GALNTL6: variants seen among roughly 807,000 people sequenced by gnomAD.
GALNTL6 encodes the protein polypeptide N-acetylgalactosaminyltransferase-like 6.
Under a neutral mutation model 73.7 loss-of-function variants are expected in GALNTL6, and 46 were observed. The ratio of observed to expected loss-of-function variants is 0.62; its 90% CI spans 0.49 to 0.80. The LOEUF is 0.80. Ranked by LOEUF, GALNTL6 falls within the 30% of genes least tolerant of loss-of-function variation. GALNTL6 has a pLI of 0.00. For missense variants in GALNTL6, 604 were observed against 755.0 expected, an observed-to-expected ratio of 0.80 and a Z score of 2.34; for synonymous variants, 259 against 263.7, an observed-to-expected ratio of 0.98 and a Z score of 0.17.
At chr4:171,825,542 AT>A (rs11412639) in intron 2 of GALNTL6, among the ~76,000 whole-genome samples, 2 of 152,110 alleles carry the variant, frequency 1.3e-5, no homozygotes, top group Admixed American at 1.3e-4. Flanking sequence ...AGGAAATTAC[AT>A]TTTTTTGGAA....
chr4:172,480,094 G>A (rs1733388205), intron 5 of GALNTL6, among the ~76,000 whole-genome samples: 1 of 152,070 alleles, frequency 6.6e-6, no homozygotes, highest in African/African-American at 2.4e-5. Context: ...AAAGACCGAG[G>A]CAGGAAAATT....
intron 5 of GALNTL6, among the ~76,000 whole-genome samples, chr4:172,396,062 C>T (rs1374996325): frequency 6.6e-6 from 1 of 152,022 alleles, no homozygotes; most frequent in Non-Finnish European, 1.5e-5. Context: ...TCCAGCATAC[C>T]CACATTTTGT....
intron 3 of GALNTL6, among the ~76,000 whole-genome samples, chr4:172,231,073 ACTT>A (rs1382172215): frequency 6.6e-6 from 1 of 152,026 alleles, no homozygotes; most frequent in Non-Finnish European, 1.5e-5. Context: ...CAGAGCGTCA[ACTT>A]CTTCTAGGTT....
At chr4:172,655,051 A>T (rs1160178676) in intron 5 of GALNTL6, among the ~76,000 whole-genome samples, 1 of 152,214 alleles carries the variant, frequency 6.6e-6, no homozygotes, top group Non-Finnish European at 1.5e-5. Context: ...GCACAGGTTC[A>T]TAATGCTATG....
intron 2 of GALNTL6, among the ~76,000 whole-genome samples, chr4:171,881,685 T>C (rs747593581): frequency 4.6e-5 from 7 of 152,206 alleles, no homozygotes; most frequent in Non-Finnish European, 7.3e-5. Context: ...GGGAATACTT[T>C]TTCTCTATGG....
At chr4:172,901,203 G>A (rs879688730) in intron 8 of GALNTL6, among the ~76,000 whole-genome samples, 2 of 152,036 alleles carry the variant, frequency 1.3e-5, no homozygotes, top group Non-Finnish European at 2.9e-5. Flanking sequence ...TCTCACTATC[G>A]TTTGCTGACC....
At chr4:172,915,112 A>G (rs1355208490) in intron 8 of GALNTL6, among the ~76,000 whole-genome samples, 1 of 152,216 alleles carries the variant, frequency 6.6e-6, no homozygotes, top group Non-Finnish European at 1.5e-5. Flanking sequence ...AAACCTCACA[A>G]CTACATGGAA....
intron 2 of GALNTL6, among the ~76,000 whole-genome samples, chr4:171,973,146 G>C (rs899703947): frequency 2.0e-5 from 3 of 152,110 alleles, no homozygotes; most frequent in Non-Finnish European, 4.4e-5. Flanking sequence ...AAGGGAAGTT[G>C]TATGTGGGAG....
chr4:172,439,172 T>TCACACACACACA (rs57281407), intron 5 of GALNTL6, among the ~76,000 whole-genome samples: 11 of 145,730 alleles, frequency 7.5e-5, no homozygotes, highest in African/African-American at 2.5e-4. Context: ...TCTCTCCCCT[T>TCACACACACACA]CACACACACA....
At chr4:172,998,241 T>A (rs2126470824) in intron 10 of GALNTL6, among the ~76,000 whole-genome samples, 1 of 152,314 alleles carries the variant, frequency 6.6e-6, no homozygotes, top group South Asian at 2.1e-4. Context: ...GTGGAATGGA[T>A]CTGTTTAAGC....
At chr4:171,933,880 T>C (rs1483349046) in intron 2 of GALNTL6, among the ~76,000 whole-genome samples, 1 of 152,142 alleles carries the variant, frequency 6.6e-6, no homozygotes, top group Non-Finnish European at 1.5e-5. Flanking sequence ...TCAGTTAATA[T>C]TCTTTTAGTC....
intron 5 of GALNTL6, among the ~76,000 whole-genome samples, chr4:172,633,782 G>A (rs562908714): frequency 2.6e-5 from 4 of 152,252 alleles, no homozygotes; most frequent in South Asian, 2.1e-4. Flanking sequence ...GGACAGGGCC[G>A]GGTGGAGATG....
At chr4:172,129,230 C>G (rs188684313) in intron 2 of GALNTL6, among the ~76,000 whole-genome samples, 49 of 152,160 alleles carry the variant, frequency 3.2e-4, no homozygotes, top group African/African-American at 1.1e-3. Flanking sequence ...CAAATAAAAA[C>G]GTCAACAGAT....
At chr4:172,754,187 A>G (rs994974264) in intron 5 of GALNTL6, among the ~76,000 whole-genome samples, 12 of 152,232 alleles carry the variant, frequency 7.9e-5, no homozygotes, top group Non-Finnish European at 1.5e-5. Flanking sequence ...ACTGACAGTC[A>G]TTATCAATAA....
At chr4:172,612,387 G>A (rs1738559124) in intron 5 of GALNTL6, among the ~76,000 whole-genome samples, 1 of 152,058 alleles carries the variant, frequency 6.6e-6, no homozygotes, top group Admixed American at 6.6e-5. Context: ...AAGAAATACA[G>A]GTATAGTCTT....
chr4:172,830,626 C>T (rs1475498343), intron 7 of GALNTL6, among the ~76,000 whole-genome samples: 1 of 152,168 alleles, frequency 6.6e-6, no homozygotes, highest in African/African-American at 2.4e-5. Flanking sequence ...ATGAAATAAA[C>T]CCTAACTGTA....
At chr4:172,648,934 A>C (rs1232463726) in intron 5 of GALNTL6, among the ~76,000 whole-genome samples, 3 of 152,110 alleles carry the variant, frequency 2.0e-5, no homozygotes, top group Non-Finnish European at 4.4e-5. Context: ...CCTCTGAAAA[A>C]TCAGATTTGC....
intron 10 of GALNTL6, among the ~76,000 whole-genome samples, chr4:172,981,042 A>C (rs565300643): frequency 6.6e-6 from 1 of 152,304 alleles, no homozygotes; most frequent in African/African-American, 2.4e-5. Context: ...TTTCTTTTTA[A>C]GGCTGAATAA....
intron 5 of GALNTL6, among the ~76,000 whole-genome samples, chr4:172,430,961 C>G (rs1179115266): frequency 6.6e-6 from 1 of 152,042 alleles, no homozygotes; most frequent in Admixed American, 6.6e-5. Flanking sequence ...AATTAAATAC[C>G]TTTAAGGAAA....
Sources: allele counts gnomAD v4.1 joint callset (sites outside exome capture counted in the v4.1 genomes callset), GRCh38; gene constraint gnomAD v4.1.1; transcripts MANE v1.5; gene names NCBI Gene and HGNC (gene_info 2026-07-23, HGNC 2026-07-21).